Variants in PDE6C observed in about 807,000 individuals in gnomAD.
PDE6C encodes the protein phosphodiesterase 6C, also known as cone cGMP-specific 3',5'-cyclic phosphodiesterase subunit alpha'.
Under a neutral mutation model 113.1 loss-of-function variants are expected in PDE6C, and 75 were observed. That is an observed-to-expected ratio of 0.66 (90% CI 0.55 to 0.80). The LOEUF (loss-of-function observed/expected upper bound fraction) is 0.80, where lower values mean the gene tolerates loss of function less well. PDE6C is among the 30% of genes least tolerant of loss of function. PDE6C has a pLI of 0.00. For synonymous variants in PDE6C, 375 were observed against 363.7 expected, an observed-to-expected ratio of 1.03 and a Z score of -0.35; for missense variants, 912 against 1,038.6, an observed-to-expected ratio of 0.88 and a Z score of 1.67.
At chr10:93,653,981 A>G (rs1049127661) in intron 15 of PDE6C, among the ~76,000 whole-genome samples, 3 of 152,200 alleles carry the variant, frequency 2.0e-5, no homozygotes, top group African/African-American at 4.8e-5. Context: ...TAATATTTCA[A>G]TCTTCTGAAA....
chr10:93,663,300 G>C lies in PDE6C; in HGVS notation c.2518+122G>C. Reference sequence around the variant, plus strand: ...AAAACCTGCTTTACTGGTGCAGACTGATCATTTTAACAGGCCGATTAGTGG... The same window carrying C: ...AAAACCTGCTTTACTGGTGCAGACTCATCATTTTAACAGGCCGATTAGTGG... On this transcript the variant is annotated intron_variant, in intron 21 of 21. Coordinates refer to ENST00000371447, the MANE Select transcript of PDE6C (RefSeq NM_006204.4). 3.1e-6 allele frequency: 3 copies of C among 976,862 alleles called. No individual in the cohort carries two copies. The Admixed American group carries it at 6.1e-5, about 20-fold the overall frequency. 60.5% of individuals were successfully genotyped at this position (976,862 alleles called of 1,614,324 possible). A position where few individuals can be genotyped will look rare whatever the true frequency, so the allele number is the denominator to read the frequency against.
chr10:93,618,654 G>A lies in PDE6C; in HGVS notation c.481-1978G>A, dbSNP rs948594475. Reference sequence around the variant, plus strand: ...CTCTGCAGGAGTGATTCCCCATTGGGTTGAGCCTAAGAATTACCTGGGCCA... The same window carrying A: ...CTCTGCAGGAGTGATTCCCCATTGGATTGAGCCTAAGAATTACCTGGGCCA... On this transcript the variant is annotated intron_variant, in intron 1 of 21. Transcript: ENST00000371447. Among the ~76,000 whole-genome samples the A allele has an allele frequency of 5.9e-5, 9 of 152,180 alleles. 1 individual carries two copies. The highest frequency in any genetic ancestry group is 1.3e-4 in the Non-Finnish European group (9 of 68,030).
intron 11 of PDE6C, among the ~76,000 whole-genome samples, chr10:93,637,508 G>A (rs919397210): frequency 1.3e-5 from 2 of 152,056 alleles, no homozygotes; most frequent in African/African-American, 4.8e-5. Context: ...GTTGCCAGTA[G>A]GCCATCCCTA....
chr10:93,631,515 TTCCA>T (rs2058501479), intron 8 of PDE6C, among the ~76,000 whole-genome samples: 1 of 152,212 alleles, frequency 6.6e-6, no homozygotes. Context: ...CCCCTCAACC[TTCCA>T]TCCTTCCGTT....
chr10:93,616,443 T>C (rs1202414161), intron 1 of PDE6C, among the ~76,000 whole-genome samples: 4 of 152,144 alleles, frequency 2.6e-5, no homozygotes, highest in Non-Finnish European at 4.4e-5. Context: ...GTAGTAACTG[T>C]GTGATGGAGT....
intron 4 of PDE6C, among the ~76,000 whole-genome samples, chr10:93,622,976 T>C (rs2058455827): frequency 6.6e-6 from 1 of 152,190 alleles, no homozygotes; most frequent in African/African-American, 2.4e-5. Context: ...TTCAACTCAA[T>C]TGGGTAAATA....
intron 11 of PDE6C, among the ~76,000 whole-genome samples, chr10:93,638,087 A>T (rs899231646): frequency 6.6e-6 from 1 of 152,226 alleles, no homozygotes; most frequent in African/African-American, 2.4e-5. Flanking sequence ...GAAGACCCCA[A>T]GACCTTGAAT....
intron 1 of PDE6C, among the ~76,000 whole-genome samples, chr10:93,617,054 C>G (rs1019549821): frequency 4.6e-5 from 7 of 152,162 alleles, no homozygotes; most frequent in African/African-American, 1.7e-4. Flanking sequence ...CTTCCTCTCT[C>G]TTCCTTTCCT....
At chr10:93,616,017 G>C (rs1038427993) in intron 1 of PDE6C, among the ~76,000 whole-genome samples, 1 of 152,206 alleles carries the variant, frequency 6.6e-6, no homozygotes, top group African/African-American at 2.4e-5. Context: ...GCTGCAGTAA[G>C]ATTTGCAACG....
intron 21 of PDE6C, among the ~76,000 whole-genome samples, chr10:93,664,724 A>G (rs961710035): frequency 6.6e-6 from 1 of 152,176 alleles, no homozygotes; most frequent in African/African-American, 2.4e-5. Flanking sequence ...TACATAGAGA[A>G]TTCTTTGTGG....
intron 16 of PDE6C, among the ~76,000 whole-genome samples, chr10:93,657,124 T>C (rs1233615516): frequency 1.3e-5 from 2 of 151,910 alleles, no homozygotes; most frequent in Non-Finnish European, 2.9e-5. Context: ...TTTCCATCCA[T>C]GTTTTTATAT....
Position 93,629,994 on chromosome 10 carries a change from C to T in PDE6C, c.1119+689C>T, listed in dbSNP as rs138734412. On this transcript the variant is annotated intron_variant, in intron 8 of 21. Coordinates refer to ENST00000371447, the MANE Select transcript of PDE6C (RefSeq NM_006204.4). ...TGACACAGCATTCATGCTCAATAAA[C>T]GTTCTCTGCATGCATGAATGGCTGG... is the stretch of plus-strand genomic sequence containing the variant. Among the ~76,000 whole-genome samples the T allele has an allele frequency of 5.7e-3, 863 of 152,256 alleles. 3 individuals carry two copies. The highest frequency in any genetic ancestry group is 6.4e-3 in the Non-Finnish European group (432 of 68,018).
At chr10:93,620,843 A>G (rs1041664743) in intron 2 of PDE6C, 48 bp from the exon 3 acceptor site, 1 of 1,613,062 alleles carries the variant, frequency 6.2e-7, no homozygotes, top group African/African-American at 1.3e-5. Context: ...TTGTATAACC[A>G]AAGAAAAGAT....
intron 14 of PDE6C, among the ~76,000 whole-genome samples, chr10:93,642,154 A>T (rs2058563213): frequency 6.6e-6 from 1 of 152,178 alleles, no homozygotes; most frequent in Non-Finnish European, 1.5e-5. Context: ...TCACGAGGTC[A>T]GGAGTTGGAC....
intron 15 of PDE6C, among the ~76,000 whole-genome samples, chr10:93,649,862 C>T (rs1350383757): frequency 6.6e-6 from 1 of 152,184 alleles, no homozygotes; most frequent in African/African-American, 2.4e-5. Context: ...ACCTTGGCCT[C>T]CCAAAGTGCT....
intron 7 of PDE6C, 74 bp downstream of exon 7, chr10:93,626,945 T>TGTGAAAGCAAGAATGCATCCA: frequency 3.7e-6 from 5 of 1,336,762 alleles, no homozygotes; most frequent in South Asian, 3.6e-5. Flanking sequence ...TAGATACAAT[T>TGTGAAAGCAAGAATGCATCCA]GTGAAAGCAA....
Position 93,640,987 on chromosome 10 carries a change from A to G in PDE6C, c.1805A>G (p.His602Arg), listed in dbSNP as rs267606934. 2.5e-6 allele frequency: 4 copies of G among 1,612,918 alleles called. No individual in the cohort carries two copies. The highest frequency in any genetic ancestry group is 2.2e-5 in the South Asian group (2 of 91,072). The change falls in exon 14 of 22, where the codon CAT becomes CGT. Residue 602 changes from histidine (H) to arginine (R), a missense_variant. His to Arg is a conservative substitution (Grantham distance 29, BLOSUM62 0). Transcript: ENST00000371447. ...AFAMLAAAFCHDIDHRGTNNL... is the reference protein window; with the variant it reads ...AFAMLAAAFCRDIDHRGTNNL... ...GCCATGCTTGCTGCTGCTTTCTGCC[A>G]TGATATTGACCACAGAGGCACCAAT...
At chr10:93,659,037 T>C (rs1391430805) in intron 17 of PDE6C, 29 bp downstream of exon 17, 14 of 1,540,864 alleles carry the variant, frequency 9.1e-6, no homozygotes, top group Non-Finnish European at 1.1e-5. Flanking sequence ...ATTTCTCTCT[T>C]GTTTTTTGTA....
In PDE6C at chr10:93,658,928, T is replaced by G. The variant is rs1371070719; in HGVS notation, c.2064T>G (p.Val688=). The stretch of plus-strand genomic sequence containing the variant: ...AGAGGACCATGTTTCAAAAAATTGT[T>G]GATGCCTGTGAACAAATGCAAACGG... ...FKKRTMFQKI[V]DACEQMQTEE... The change falls in exon 17 of 22, where the codon GTT becomes GTG. Residue 688 remains valine, a synonymous_variant. Transcript: ENST00000371447. 6.2e-7 allele frequency: 1 copy of G among 1,612,034 alleles called. No homozygotes were observed. The highest frequency in any genetic ancestry group is 8.5e-7 in the Non-Finnish European group (1 of 1,178,406).
Sources: gnomAD v4.1 joint callset for allele counts (sites outside exome capture counted in the v4.1 genomes callset) on GRCh38, gnomAD v4.1.1 for gene constraint, MANE v1.5 for transcripts, NCBI Gene and HGNC (gene_info 2026-07-23, HGNC 2026-07-21) for gene names.